ARID4B: variants seen among roughly 807,000 people sequenced by gnomAD.
ARID4B encodes the protein AT-rich interactive domain-containing protein 4B.
In ARID4B, 26 loss-of-function variants were observed where a neutral mutation model predicts 147.5. That is an observed-to-expected ratio of 0.18 (90% CI 0.13 to 0.24). The LOEUF is 0.24. Ranked by LOEUF, ARID4B falls within the 10% of genes least tolerant of loss-of-function variation. ARID4B has a pLI of 1.00. For synonymous variants in ARID4B, 512 were observed against 507.9 expected (o/e 1.01, Z -0.11); for missense variants, 1,179 against 1,511.5 (o/e 0.78, Z 3.65).
At chr1:235,215,448 A>G (rs1005997411) in intron 16 of ARID4B, among the ~76,000 whole-genome samples, 4 of 151,822 alleles carry the variant, frequency 2.6e-5, no homozygotes, top group Non-Finnish European at 4.4e-5. Flanking sequence ...TTAAAAATTA[A>G]TAATATGTAA....
chr1:235,236,492 TTGTGTGTGTGTGTGTGTGTG>T (rs111585112), intron 8 of ARID4B, among the ~76,000 whole-genome samples: 6 of 147,048 alleles, frequency 4.1e-5, no homozygotes, highest in South Asian at 4.3e-4. Flanking sequence ...TACAAAACAG[TTGTGTGTGTGTGTGTGTGTG>T]TGTGTGTGTG....
intron 17 of ARID4B, among the ~76,000 whole-genome samples, chr1:235,210,629 C>A (rs555903750): frequency 6.6e-6 from 1 of 152,296 alleles, no homozygotes; most frequent in Admixed American, 6.5e-5. Flanking sequence ...CATTTGTTTT[C>A]TCCATGATGT....
At chr1:235,313,431 T>C (rs892698157) in intron 2 of ARID4B, among the ~76,000 whole-genome samples, 1 of 152,126 alleles carries the variant, frequency 6.6e-6, no homozygotes, top group Non-Finnish European at 1.5e-5. Context: ...CTTGTTCAGC[T>C]TTTTTTAACT....
chr1:235,193,016 C>G (rs1462276887), intron 19 of ARID4B, among the ~76,000 whole-genome samples: 1 of 152,014 alleles, frequency 6.6e-6, no homozygotes. Flanking sequence ...CAGTGTGAAC[C>G]CGGGAGGTGG....
In ARID4B at chr1:235,213,885, G is replaced by T; in HGVS notation, c.1725C>A (p.Val575=). The stretch of plus-strand genomic sequence containing the variant: ...TTTTCCCTCGTCCATACCGCACTTG[G>T]ACTTTCATGCCTGGTGGATAGCACT... ...EFECYPPGMK[V]QVRYGRGKNQ... Residue 575 remains valine, a synonymous_variant, in exon 17 of 24, where the codon GTC becomes GTA. Coordinates refer to ENST00000264183, the MANE Select transcript of ARID4B (RefSeq NM_016374.6). 1 of 1,613,950 alleles carries T rather than the reference G, an allele frequency of 6.2e-7. No individual in the cohort carries two copies.
rs763108617 is a variant in ARID4B, at chr1:235,175,227, G to A, written c.3621C>T (p.Pro1207=). The A allele has an allele frequency of 6.2e-7, 1 of 1,614,158 alleles. No homozygotes were observed. Among genetic ancestry groups the A allele is most frequent in the South Asian group, 1.1e-5 (1 of 91,076 alleles). Residue 1207 remains proline, a synonymous_variant, in exon 22 of 24, where the codon CCC becomes CCT. Transcript: ENST00000264183. ...TGTAAACTTTGGGTAATCGATTACT[G>A]GGTTCCTTGAGATCAGGATCCTTAT... ...NGDKDPDLKE[P]SNRLPKVYKW...
chr1:235,302,987 G>A (rs1030658980), intron 2 of ARID4B, among the ~76,000 whole-genome samples: 4 of 151,014 alleles, frequency 2.6e-5, no homozygotes, highest in Admixed American at 2.0e-4. Context: ...GTGCAGTGGC[G>A]CGATCGGCTC....
intron 5 of ARID4B, 84 bp from the exon 6 acceptor site, chr1:235,252,893 C>CTT: frequency 1.9e-6 from 2 of 1,049,220 alleles, no homozygotes; most frequent in Non-Finnish European, 2.8e-6. Flanking sequence ...TTTCTGAGTG[C>CTT]AAACAGATCT....
At chr1:235,317,770 T>C (rs1384805752) in intron 2 of ARID4B, among the ~76,000 whole-genome samples, 1 of 152,220 alleles carries the variant, frequency 6.6e-6, no homozygotes, top group Non-Finnish European at 1.5e-5. Flanking sequence ...ACCTGTTTTG[T>C]TCCCTGACAT....
chr1:235,235,189 C>T (rs1668473891), intron 8 of ARID4B, among the ~76,000 whole-genome samples: 1 of 151,934 alleles, frequency 6.6e-6, no homozygotes, highest in Non-Finnish European at 1.5e-5. Context: ...GAGTTATTCA[C>T]TGTGAAAGAA....
intron 5 of ARID4B, among the ~76,000 whole-genome samples, chr1:235,254,013 GATAA>G (rs1457107353): frequency 2.6e-5 from 4 of 152,172 alleles, no homozygotes; most frequent in South Asian, 2.1e-4. Flanking sequence ...TGTGAAACTG[GATAA>G]ATAATTTTCA....
intron 22 of ARID4B, among the ~76,000 whole-genome samples, chr1:235,174,365 G>C (rs1206322619): frequency 6.6e-6 from 1 of 152,018 alleles, no homozygotes; most frequent in Non-Finnish European, 1.5e-5. Context: ...GTCAGTGTTG[G>C]CATTTGCCTC....
In ARID4B at chr1:235,196,161, G is replaced by A. The variant is rs764472019; in HGVS notation, c.1842-46C>T. 24 of 969,206 alleles carry A rather than the reference G, an allele frequency of 2.5e-5. 1 individual carries two copies. The highest frequency in any genetic ancestry group is 1.4e-4 in the African/African-American group (8 of 58,536). 60.0% of individuals were successfully genotyped at this position (969,206 alleles called of 1,614,324 possible). ...TATAAATATGTACAATATATACCAC[G>A]GAAATAACCTATGCCATATTAAAGA... On this transcript the variant is annotated intron_variant, in intron 17 of 23. Coordinates refer to ENST00000264183, the MANE Select transcript of ARID4B (RefSeq NM_016374.6).
chr1:235,220,571 T>A (rs575589174), intron 14 of ARID4B, 26 bp from the exon 15 acceptor site: 1 of 1,512,840 alleles, frequency 6.6e-7, no homozygotes, highest in Non-Finnish European at 8.9e-7. Context: ...GAAATTACAT[T>A]TGGTGAAAAC....
intron 20 of ARID4B, among the ~76,000 whole-genome samples, chr1:235,179,806 C>T (rs1189343655): frequency 6.6e-6 from 1 of 151,828 alleles, no homozygotes; most frequent in Non-Finnish European, 1.5e-5. Flanking sequence ...CACGGTGGCT[C>T]ATGCCTGTAA....
intron 22 of ARID4B, among the ~76,000 whole-genome samples, chr1:235,173,785 T>A (rs1213662211): frequency 5.8e-4 from 33 of 57,022 alleles, no homozygotes; most frequent in African/African-American, 3.0e-3. Flanking sequence ...TATATATATA[T>A]ATATATATAT....
Position 235,294,234 on chromosome 1 carries a change from T to C in ARID4B, c.6+32680A>G, listed in dbSNP as rs1437678315. ...ATGTAAGCATAAATTAAATTTTAAG[T>C]AAAAACATACAGTAAAATAATACCT... On this transcript the variant is annotated intron_variant, in intron 2 of 23. Coordinates refer to ENST00000264183, the MANE Select transcript of ARID4B (RefSeq NM_016374.6). Among the ~76,000 whole-genome samples, 4 of 150,646 alleles carry C rather than the reference T, an allele frequency of 2.7e-5. No individual in the cohort carries two copies. In the Admixed American group the frequency reaches 2.7e-4, roughly 10 times the overall value.
At chr1:235,273,927 T>C (rs749143537) in intron 2 of ARID4B, among the ~76,000 whole-genome samples, 1 of 152,236 alleles carries the variant, frequency 6.6e-6, no homozygotes, top group African/African-American at 2.4e-5. Context: ...TATCACTTAC[T>C]GTGAACTCCA....
At chr1:235,208,572 G>A (rs1215595846) in intron 17 of ARID4B, among the ~76,000 whole-genome samples, 5 of 151,602 alleles carry the variant, frequency 3.3e-5, no homozygotes, top group East Asian at 1.9e-4. Flanking sequence ...GCGCAATCTC[G>A]GCTCACCGCA....
Sources: gnomAD v4.1 joint callset for allele counts (sites outside exome capture counted in the v4.1 genomes callset) on GRCh38, gnomAD v4.1.1 for gene constraint, MANE v1.5 for transcripts, NCBI Gene and HGNC (gene_info 2026-07-23, HGNC 2026-07-21) for gene names.